PAPPA2: variants seen among roughly 807,000 people sequenced by gnomAD.
PAPPA2 encodes pappalysin-2.
PAPPA2 carries 86 observed loss-of-function variants against 176.4 expected under a neutral mutation model. The observed-to-expected ratio is 0.49, with a 90% CI of 0.41 to 0.58. The LOEUF is 0.58. Among genes scored for constraint, PAPPA2 ranks in the 20% least tolerant of loss-of-function variants. The pLI is 0.00. For missense variants in PAPPA2, 2,073 were observed against 2,256.9 expected, an observed-to-expected ratio of 0.92 and a Z score of 1.65; for synonymous variants, 809 against 852.2, an observed-to-expected ratio of 0.95 and a Z score of 0.88.
At chr1:176,750,434 A>G (rs1317720828) in intron 14 of PAPPA2, among the ~76,000 whole-genome samples, 3 of 152,024 alleles carry the variant, frequency 2.0e-5, no homozygotes, top group South Asian at 2.1e-4. Flanking sequence ...GTGAAACCCT[A>G]TCTCTACTAA....
At chr1:176,824,649 G>A (rs555589950) in intron 21 of PAPPA2, among the ~76,000 whole-genome samples, 13 of 152,204 alleles carry the variant, frequency 8.5e-5, no homozygotes, top group African/African-American at 1.4e-4. Flanking sequence ...TTTGCCTGCC[G>A]GTTTGGAAGT....
At chr1:176,657,920 A>G (rs773639209) in intron 3 of PAPPA2, among the ~76,000 whole-genome samples, 1 of 152,036 alleles carries the variant, frequency 6.6e-6, no homozygotes, top group Non-Finnish European at 1.5e-5. Flanking sequence ...GGAAACAATG[A>G]GGGATTATCT....
intron 1 of PAPPA2, among the ~76,000 whole-genome samples, chr1:176,523,453 T>C (rs1248363151): frequency 6.6e-6 from 1 of 152,220 alleles, no homozygotes; most frequent in Admixed American, 6.5e-5. Context: ...CTTCACAGGT[T>C]AAGCCTGATT....
intron 2 of PAPPA2, among the ~76,000 whole-genome samples, chr1:176,577,405 G>T (rs1652715440): frequency 6.6e-6 from 1 of 152,088 alleles, no homozygotes. Context: ...AATAAAAATA[G>T]ACTGTAATGA....
At chr1:176,694,124 C>T (rs911997503) in intron 6 of PAPPA2, among the ~76,000 whole-genome samples, 1 of 152,132 alleles carries the variant, frequency 6.6e-6, no homozygotes, top group Non-Finnish European at 1.5e-5. Flanking sequence ...GTTTACTCCA[C>T]CCCAGCAGGT....
intron 21 of PAPPA2, among the ~76,000 whole-genome samples, chr1:176,804,893 G>C (rs569869683): frequency 3.9e-5 from 6 of 151,984 alleles, no homozygotes; most frequent in Non-Finnish European, 7.4e-5. Flanking sequence ...CCTGTTAAAT[G>C]CTTGTCCAAT....
At chr1:176,652,041 T>A (rs1657754435) in intron 3 of PAPPA2, among the ~76,000 whole-genome samples, 1 of 151,680 alleles carries the variant, frequency 6.6e-6, no homozygotes, top group Non-Finnish European at 1.5e-5. Flanking sequence ...AATTTCTGAA[T>A]TTTTTTCTGT....
intron 21 of PAPPA2, among the ~76,000 whole-genome samples, chr1:176,829,088 A>G (rs1194730921): frequency 2.0e-5 from 3 of 152,214 alleles, no homozygotes; most frequent in African/African-American, 4.8e-5. Flanking sequence ...TTTACCCCAA[A>G]GTGAAACACT....
chr1:176,666,988 G>A (rs1469767486), intron 3 of PAPPA2, among the ~76,000 whole-genome samples: 3 of 152,176 alleles, frequency 2.0e-5, no homozygotes, highest in African/African-American at 4.8e-5. Flanking sequence ...GCTCACGCCT[G>A]TAATCCCAGC....
intron 12 of PAPPA2, among the ~76,000 whole-genome samples, chr1:176,715,294 C>A (rs115819574): frequency 1.3e-5 from 2 of 152,128 alleles, no homozygotes; most frequent in Admixed American, 6.5e-5. Context: ...CACTTGTGTT[C>A]GAAAAATCTG....
At chr1:176,702,372 TTTACTGCGCA>T in intron 8 of PAPPA2, among the ~76,000 whole-genome samples, 1 of 152,360 alleles carries the variant, frequency 6.6e-6, no homozygotes, top group South Asian at 2.1e-4. Flanking sequence ...GCAGCAAGCA[TTTACTGCGCA>T]TTTACTCTGT....
intron 20 of PAPPA2, among the ~76,000 whole-genome samples, chr1:176,799,836 G>A (rs549676277): frequency 2.6e-5 from 4 of 152,160 alleles, no homozygotes; most frequent in South Asian, 2.1e-4. Flanking sequence ...GAAAAGTTTC[G>A]AGAAATCTCC....
chr1:176,613,631 G>A (rs1321080159), intron 3 of PAPPA2, among the ~76,000 whole-genome samples: 3 of 152,172 alleles, frequency 2.0e-5, no homozygotes, highest in Non-Finnish European at 4.4e-5. Context: ...TGAAATCATA[G>A]ATTTCTTTCC....
chr1:176,692,397 C>A, intron 6 of PAPPA2, 79 bp downstream of exon 6: 1 of 1,362,398 alleles, frequency 7.3e-7, no homozygotes, highest in South Asian at 1.3e-5. Context: ...GAATATGAAT[C>A]CAGGGGAACT....
At chr1:176,669,761 C>T (rs1422956202) in intron 3 of PAPPA2, among the ~76,000 whole-genome samples, 1 of 152,040 alleles carries the variant, frequency 6.6e-6, no homozygotes, top group Non-Finnish European at 1.5e-5. Context: ...TGGGATCGCC[C>T]TTTCTCAGGT....
chr1:176,563,025 G>A lies in PAPPA2; in HGVS notation c.919+5784G>A, dbSNP rs138016734. On this transcript the variant is annotated intron_variant, in intron 2 of 22. Transcript: ENST00000367662. Reference sequence around the variant, plus strand: ...TTCCTGCCTTATTTGTTATGTGCATGTCTCATTTCTATCCACTGGTAATTC... The same window carrying A: ...TTCCTGCCTTATTTGTTATGTGCATATCTCATTTCTATCCACTGGTAATTC... Among the ~76,000 whole-genome samples, 791 of 152,226 alleles carry A rather than the reference G, an allele frequency of 5.2e-3. 3 individuals are homozygous for A. Among genetic ancestry groups the A allele is most frequent in the Middle Eastern group, 0.01 (3 of 294 alleles).
chr1:176,493,559 C>T (rs7535501), intron 1 of PAPPA2, among the ~76,000 whole-genome samples: 142,097 of 152,226 alleles, frequency 0.93, 66,364 homozygotes, highest in East Asian at 1. Context: ...AGGAGCAAAA[C>T]CAATAGCATG....
At chr1:176,731,732 C>CAT (rs1558548901) in intron 12 of PAPPA2, among the ~76,000 whole-genome samples, 17 of 149,564 alleles carry the variant, frequency 1.1e-4, no homozygotes, top group Middle Eastern at 3.4e-3. Context: ...TATATGTGTA[C>CAT]ATATACATGC....
chr1:176,630,503 G>A (rs748098523), intron 3 of PAPPA2, among the ~76,000 whole-genome samples: 1 of 152,154 alleles, frequency 6.6e-6, no homozygotes, highest in Non-Finnish European at 1.5e-5. Flanking sequence ...TGGCACTGAA[G>A]ATTGTTTAAA....
Sources: gnomAD v4.1 joint callset for allele counts (sites outside exome capture counted in the v4.1 genomes callset) on GRCh38, gnomAD v4.1.1 for gene constraint, MANE v1.5 for transcripts, NCBI Gene and HGNC (gene_info 2026-07-23, HGNC 2026-07-21) for gene names.